SPEF2: variants seen among roughly 807,000 people sequenced by gnomAD.
SPEF2 encodes the protein sperm flagellar and cilia associated 2, also known as sperm flagella and cilia-associated protein 2.
SPEF2 carries 187 observed loss-of-function variants against 224.6 expected under a neutral mutation model. The observed-to-expected ratio is 0.83, with a 90% CI of 0.74 to 0.94. The LOEUF (loss-of-function observed/expected upper bound fraction) is 0.94. SPEF2 is among the 40% of genes least tolerant of loss of function. The pLI is 0.00. For synonymous variants in SPEF2, 715 were observed against 707.3 expected, an observed-to-expected ratio of 1.01 and a Z score of -0.17; for missense variants, 2,170 against 2,135.6, an observed-to-expected ratio of 1.02 and a Z score of -0.32.
intron 18 of SPEF2, among the ~76,000 whole-genome samples, chr5:35,708,034 C>G (rs1740166218): frequency 6.6e-6 from 1 of 152,026 alleles, no homozygotes; most frequent in Admixed American, 6.6e-5. Context: ...TTCATAAGGC[C>G]ATTGATTTTT....
intron 30 of SPEF2, 47 bp from the exon 31 acceptor site, chr5:35,792,293 A>T: frequency 6.8e-7 from 1 of 1,476,344 alleles, no homozygotes; most frequent in Non-Finnish European, 9.3e-7. Context: ...AGAAGAGAAA[A>T]ACCATCACCT....
In SPEF2 at chr5:35,661,253, A is replaced by ATT. The variant is rs1352363493; in HGVS notation, c.1167+2047_1167+2048dup. On this transcript the variant is annotated intron_variant, in intron 8 of 36. Transcript: ENST00000356031. Reference sequence around the variant, plus strand: ...AAAGGAGGTTTTTTTTTTGGTATATATTATATATATATATATATATATATA... The same window carrying ATT: ...AAAGGAGGTTTTTTTTTTGGTATATATTTTATATATATATATATATATATATA... Among the ~76,000 whole-genome samples the ATT allele has an allele frequency of 7.9e-5, 4 of 50,656 alleles. 1 individual carries two copies. The highest frequency in any genetic ancestry group is 3.0e-4 in the Admixed American group (1 of 3,328). The allele number at this position is 50,656 out of a possible 152,430, so 33.2% of individuals were successfully genotyped here.
intron 20 of SPEF2, among the ~76,000 whole-genome samples, chr5:35,720,485 T>A (rs1743436853): frequency 6.6e-6 from 1 of 152,224 alleles, no homozygotes; most frequent in South Asian, 2.1e-4. Flanking sequence ...AGAGCATCTG[T>A]TAAAATTCTA....
intron 7 of SPEF2, among the ~76,000 whole-genome samples, chr5:35,656,942 G>T (rs1749049611): frequency 1.3e-5 from 2 of 152,160 alleles, no homozygotes; most frequent in Admixed American, 6.5e-5. Flanking sequence ...GGAATGTAGT[G>T]AGCCCAGGCT....
chr5:35,741,128 G>C (rs765360252), intron 23 of SPEF2, among the ~76,000 whole-genome samples: 1 of 152,196 alleles, frequency 6.6e-6, no homozygotes, highest in Non-Finnish European at 1.5e-5. Flanking sequence ...ACCACAGAGT[G>C]TTTGTATCCT....
Position 35,779,319 on chromosome 5 carries a change from G to A in SPEF2, c.4420G>A (p.Asp1474Asn), listed in dbSNP as rs775589465. 1.1e-5 allele frequency: 17 copies of A among 1,611,602 alleles called. No homozygotes were observed. Among genetic ancestry groups the A allele is most frequent in the Middle Eastern group, 1.7e-4 (1 of 6,060 alleles). ...LTIEQLDSLRDQFLDMAPKGI... is the reference protein window; with the variant it reads ...LTIEQLDSLRNQFLDMAPKGI... ...CATTGAACAGCTTGACAGTCTTCGA[G>A]ATCAGTTCTTAGATATGGCACCTAA... is the stretch of plus-strand genomic sequence containing the variant. Residue 1474 changes from aspartate to asparagine, a missense_variant, in exon 30 of 37, where the codon GAT becomes AAT. By Grantham distance (23) the Asp-to-Asn change is conservative. Transcript: ENST00000356031.
At chr5:35,684,507 G>A (rs936735321) in intron 10 of SPEF2, among the ~76,000 whole-genome samples, 17 of 152,130 alleles carry the variant, frequency 1.1e-4, no homozygotes, top group African/African-American at 2.4e-5. Flanking sequence ...AGGTCTATTC[G>A]GATTTTTTGT....
chr5:35,787,915 G>T, intron 30 of SPEF2: 11 of 610,370 alleles, frequency 1.8e-5, no homozygotes, highest in Middle Eastern at 2.7e-4. Flanking sequence ...AGCAGAAAAG[G>T]CCGCAGAAGC....
intron 30 of SPEF2, among the ~76,000 whole-genome samples, chr5:35,787,197 G>C (rs1244922019): frequency 6.6e-6 from 1 of 150,978 alleles, no homozygotes; most frequent in African/African-American, 2.4e-5. Flanking sequence ...GAAAGAAAAA[G>C]ATGAGGCATG....
At chr5:35,726,213 G>A (rs995273894) in intron 20 of SPEF2, among the ~76,000 whole-genome samples, 10 of 152,102 alleles carry the variant, frequency 6.6e-5, no homozygotes, top group Non-Finnish European at 1.5e-4. Flanking sequence ...GAAATATTCC[G>A]ACTCTCTCAG....
chr5:35,749,184 G>T (rs1749026993), intron 23 of SPEF2, among the ~76,000 whole-genome samples: 1 of 152,028 alleles, frequency 6.6e-6, no homozygotes, highest in African/African-American at 2.4e-5. Context: ...GCAAAAATTG[G>T]CATACAAGGG....
At chr5:35,714,342 G>A (rs1285728858) in intron 20 of SPEF2, among the ~76,000 whole-genome samples, 1 of 151,304 alleles carries the variant, frequency 6.6e-6, no homozygotes, top group East Asian at 1.9e-4. Flanking sequence ...TTTTTAAAGA[G>A]TCATAAGTTC....
At chr5:35,787,337 G>C (rs1184731100) in intron 30 of SPEF2, among the ~76,000 whole-genome samples, 1 of 150,942 alleles carries the variant, frequency 6.6e-6, no homozygotes, top group African/African-American at 2.4e-5. Flanking sequence ...AGGAGGGAAG[G>C]GATGTCCAAG....
In SPEF2 at chr5:35,782,847, G is replaced by T. The variant is rs545369592; in HGVS notation, c.4447+3501G>T. ...TTTCTGGTCAAATTCTGCCACTTAT[G>T]ATGATTCTACCTCTCTTTTGGTAAA... On this transcript the variant is annotated intron_variant, in intron 30 of 36. Coordinates refer to ENST00000356031, the MANE Select transcript of SPEF2 (RefSeq NM_024867.4). 2.0e-5 allele frequency among the ~76,000 whole-genome samples: 3 copies of T among 152,188 alleles called. No homozygotes were observed. In the East Asian group the frequency reaches 5.8e-4, roughly 29 times the overall value.
chr5:35,732,860 G>C (rs1043748567), intron 21 of SPEF2, among the ~76,000 whole-genome samples: 2 of 152,068 alleles, frequency 1.3e-5, no homozygotes, highest in Non-Finnish European at 1.5e-5. Context: ...GAAAGAAAGA[G>C]CCTACAATCA....
intron 34 of SPEF2, among the ~76,000 whole-genome samples, chr5:35,801,809 C>T (rs1215977866): frequency 1.3e-5 from 2 of 152,312 alleles, no homozygotes; most frequent in African/African-American, 2.4e-5. Context: ...ATCTGCTTCT[C>T]TCTAGACTCT....
intron 21 of SPEF2, among the ~76,000 whole-genome samples, chr5:35,733,922 A>G (rs1457675152): frequency 6.6e-6 from 1 of 152,236 alleles, no homozygotes; most frequent in African/African-American, 2.4e-5. Context: ...TAAGAGTAAT[A>G]GAAACATATC....
chr5:35,709,432 T>C (rs1740657684), intron 19 of SPEF2: 2 of 1,107,278 alleles, frequency 1.8e-6, no homozygotes, highest in Non-Finnish European at 1.1e-6. Context: ...ATCAAGAGGA[T>C]ACACGTCTGT....
At position 35,659,179 on chromosome 5, in the gene SPEF2, A is replaced by G; in HGVS notation, c.1139A>G (p.Asp380Gly). Residue 380 changes from aspartate to glycine, a missense_variant, in exon 8 of 37, where the codon GAT (aspartate) becomes GGT (glycine). By Grantham distance (94) the Asp-to-Gly change is moderately conservative. Transcript: ENST00000356031. Reference sequence around the variant, plus strand: ...CAACATGAGGAAAGACGACTTAAAGATTTCCAGGATGCTCTTGATCGAGAA... The same window carrying G: ...CAACATGAGGAAAGACGACTTAAAGGTTTCCAGGATGCTCTTGATCGAGAA... ...EKQHEERRLK[D>G]FQDALDREAA... The G allele has an allele frequency of 1.2e-6, 2 of 1,611,450 alleles. No individual in the cohort carries two copies. Among genetic ancestry groups the G allele is most frequent in the Non-Finnish European group, 1.7e-6 (2 of 1,178,574 alleles).
Sources: allele counts gnomAD v4.1 joint callset (sites outside exome capture counted in the v4.1 genomes callset), GRCh38; gene constraint gnomAD v4.1.1; transcripts MANE v1.5; gene names NCBI Gene and HGNC (gene_info 2026-07-23, HGNC 2026-07-21).